The following STK35 variants were observed in gnomAD, a reference collection of about 807,000 sequenced individuals.
The protein encoded by STK35 is serine/threonine-protein kinase 35.
In STK35, 17 loss-of-function variants were observed where a neutral mutation model predicts 37.3. The observed-to-expected ratio is 0.46, with a 90% confidence interval of 0.31 to 0.68. STK35 has a LOEUF of 0.68. Ranked by LOEUF, STK35 falls within the 30% of genes least tolerant of loss-of-function variation. The pLI, the probability that STK35 is intolerant of heterozygous loss-of-function variation, is 0.05. For missense variants in STK35, 595 were observed against 746.7 expected (o/e 0.80, Z 2.37); for synonymous variants, 385 against 319.1 (o/e 1.21, Z -2.20).
chr20:2,138,536 C>T (rs140700695), intron 3 of STK35, among the ~76,000 whole-genome samples: 1 of 152,270 alleles, frequency 6.6e-6, no homozygotes, highest in East Asian at 1.9e-4. Context: ...TGCATTTGAA[C>T]CAGGACTGTC....
At chr20:2,109,867 G>T (rs1161183318) in intron 2 of STK35, among the ~76,000 whole-genome samples, 5 of 152,260 alleles carry the variant, frequency 3.3e-5, no homozygotes, top group African/African-American at 1.2e-4. Flanking sequence ...GGGATTGGGG[G>T]CAGGTAGTAG....
intron 2 of STK35, among the ~76,000 whole-genome samples, chr20:2,106,917 G>T (rs1327868613): frequency 6.6e-6 from 1 of 152,106 alleles, no homozygotes; most frequent in African/African-American, 2.4e-5. Flanking sequence ...CCCAGAAAAG[G>T]GACAAAACTT....
rs184806500 is a variant in STK35, at chr20:2,116,947, G to T, written c.1174G>T (p.Ala392Ser). The change falls in exon 3 of 4, where the codon GCA becomes TCA. Residue 392 changes from alanine (A) to serine (S), a missense_variant. Physicochemically the swap from Ala to Ser is moderately conservative, Grantham distance 99 (BLOSUM62 1). Around this residue, in one of 3 missense-constraint regions of STK35, gnomAD observed 109 missense variants for 280.3 expected, o/e 0.39. Transcript: ENST00000381482. ...ACTAAGCAAGGTCTGTGCTGGGCTG[G>T]CACCCCGAGGCAAAGAGGGCAATCA... ...FGLSKVCAGL[A>S]PRGKEGNQDN... The T allele has an allele frequency of 2.5e-6, 4 of 1,614,168 alleles. No homozygotes were observed. The Middle Eastern group carries it at 4.9e-4, about 200-fold the overall frequency.
Position 2,116,869 on chromosome 20 carries a change from A to T in STK35, c.1096A>T (p.Ile366Phe), listed in dbSNP as rs1472394598. The change falls in exon 3 of 4, where the codon ATC (isoleucine) becomes TTC (phenylalanine). Residue 366 changes from isoleucine (I) to phenylalanine (F), a missense_variant. This residue lies in a region of STK35 where 109 missense variants were observed against 280.3 expected (regional missense o/e 0.39). Coordinates refer to ENST00000381482, the MANE Select transcript of STK35 (RefSeq NM_080836.4). ...GCACAGGGACCTGAAGCCAGACAAC[A>T]TCCTCATCACAGAGCGGTCTGGCAC... ...IVHRDLKPDN[I>F]LITERSGTPI... The T allele has an allele frequency of 6.2e-7, 1 of 1,614,178 alleles. No homozygotes were observed. Among genetic ancestry groups the T allele is most frequent in the Admixed American group, 1.7e-5 (1 of 60,030 alleles).
chr20:2,119,984 C>T (rs1247954559), intron 3 of STK35, among the ~76,000 whole-genome samples: 2 of 152,176 alleles, frequency 1.3e-5, no homozygotes, highest in African/African-American at 4.8e-5. Context: ...TTGGGCCTAC[C>T]ACCCGTGGGT....
chr20:2,102,941 G>A lies in STK35; in HGVS notation c.468G>A (p.Val156=), dbSNP rs760824880. The A allele has an allele frequency of 1.3e-6, 2 of 1,503,124 alleles. No individual in the cohort carries two copies. Among genetic ancestry groups the A allele is most frequent in the East Asian group, 5.6e-5 (2 of 35,900 alleles). The allele number at this position is 1,503,124 out of a possible 1,614,324, so 93.1% of individuals were successfully genotyped here. The change falls in exon 2 of 4, where the codon GTG becomes GTA. Residue 156 remains valine, a synonymous_variant. Coordinates refer to ENST00000381482, the MANE Select transcript of STK35 (RefSeq NM_080836.4). ...QSPERKRRSP[V]PRAPSTKLRP... The stretch of plus-strand genomic sequence containing the variant: ...CGGAGCGGAAAAGGCGAAGCCCAGT[G>A]CCGCGGGCGCCCAGCACGAAGCTGA...
chr20:2,131,584 G>A (rs1360309742), intron 3 of STK35, among the ~76,000 whole-genome samples: 1 of 152,150 alleles, frequency 6.6e-6, no homozygotes, highest in African/African-American at 2.4e-5. Context: ...ATGAGTCAGT[G>A]TGAAGGCCTA....
intron 3 of STK35, among the ~76,000 whole-genome samples, chr20:2,130,109 TGTAA>T (rs1480867180): frequency 1.3e-5 from 2 of 151,956 alleles, no homozygotes; most frequent in Non-Finnish European, 2.9e-5. Context: ...AACAGAGCCA[TGTAA>T]GAGTGAATGT....
intron 2 of STK35, among the ~76,000 whole-genome samples, chr20:2,105,964 C>G (rs1005693784): frequency 1.3e-5 from 2 of 152,158 alleles, no homozygotes; most frequent in Non-Finnish European, 2.9e-5. Context: ...TGTTTGGAGT[C>G]TTTAAAATAT....
Position 2,117,398 on chromosome 20 carries a change from T to G in STK35, c.*20T>G. ...GCTTAAAATTCAGGGCTAAGCATTT[T>G]GGGTGATTTTAAACTAGGTGAGTGC... On this transcript the variant is annotated 3_prime_UTR_variant, in exon 3 of 4. Coordinates refer to ENST00000381482, the MANE Select transcript of STK35 (RefSeq NM_080836.4). The surrounding 1 kb of genome is among the most constrained non-coding windows in gnomAD (Gnocchi z 4.4). 1 of 1,568,868 alleles carries G rather than the reference T, an allele frequency of 6.4e-7. No individual in the cohort carries two copies. The highest frequency in any genetic ancestry group is 8.7e-7 in the Non-Finnish European group (1 of 1,153,732).
At chr20:2,118,797 A>G (rs1344283832) in intron 3 of STK35, among the ~76,000 whole-genome samples, 1 of 152,268 alleles carries the variant, frequency 6.6e-6, no homozygotes, top group South Asian at 2.1e-4. Flanking sequence ...TAGATACACA[A>G]AAACTTACCA....
chr20:2,134,609 G>A (rs893459189), intron 3 of STK35, among the ~76,000 whole-genome samples: 2 of 152,130 alleles, frequency 1.3e-5, no homozygotes, highest in African/African-American at 4.8e-5. Context: ...AAATGCCTGG[G>A]GCCTGGCGCG....
At chr20:2,103,504 C>G in intron 2 of STK35, 139 bp downstream of exon 2, 1 of 788,666 alleles carries the variant, frequency 1.3e-6, no homozygotes, top group Non-Finnish European at 1.9e-6. Context: ...ACCCTCCTTT[C>G]CTGGGCCCAG....
intron 2 of STK35, among the ~76,000 whole-genome samples, chr20:2,109,483 T>G (rs1985577080): frequency 6.6e-6 from 1 of 152,250 alleles, no homozygotes; most frequent in Non-Finnish European, 1.5e-5. Context: ...ACTGTAAAGT[T>G]GGTGTTTATA....
Position 2,144,771 on chromosome 20 carries a change from C to G in STK35, c.*1025C>G, listed in dbSNP as rs892778119. ...CAGAGACGGCCTGAGGCCCTAAGAT[C>G]TGGTTGTGACTTTGCCATGATAACA... is the stretch of plus-strand genomic sequence containing the variant. On this transcript the variant is annotated 3_prime_UTR_variant, in exon 4 of 4. Transcript: ENST00000381482. 1 of 152,868 alleles carries G rather than the reference C, an allele frequency of 6.5e-6. No homozygotes were observed. Among genetic ancestry groups the G allele is most frequent in the Non-Finnish European group, 1.5e-5 (1 of 68,138 alleles). 9.5% of individuals were successfully genotyped at this position (152,868 alleles called of 1,614,324 possible).
intron 3 of STK35, among the ~76,000 whole-genome samples, chr20:2,125,880 G>A (rs1039353778): frequency 1.3e-5 from 2 of 152,172 alleles, no homozygotes; most frequent in African/African-American, 4.8e-5. Context: ...CCACCCACCG[G>A]CAGCTGGGAA....
Position 2,123,073 on chromosome 20 carries a change from A to C in STK35, c.*37+5658A>C, listed in dbSNP as rs147359955. On this transcript the variant is annotated intron_variant, in intron 3 of 3. Coordinates refer to ENST00000381482, the MANE Select transcript of STK35 (RefSeq NM_080836.4). ...TTCCAGGTGCCTCCGCCCACGTGTT[A>C]CCAGGGAGAGTGTTGTGGGATGAGG... Among the ~76,000 whole-genome samples, 116 of 152,246 alleles carry C rather than the reference A, an allele frequency of 7.6e-4. 1 individual carries two copies. Among genetic ancestry groups the C allele is most frequent in the African/African-American group, 2.7e-3 (114 of 41,542 alleles).
At chr20:2,110,747 A>T (rs914658894) in intron 2 of STK35, among the ~76,000 whole-genome samples, 1 of 152,206 alleles carries the variant, frequency 6.6e-6, no homozygotes, top group East Asian at 1.9e-4. Context: ...ACAGATCTGC[A>T]TGTTGTGTGG....
At chr20:2,133,683 C>T (rs1030124343) in intron 3 of STK35, among the ~76,000 whole-genome samples, 5 of 152,204 alleles carry the variant, frequency 3.3e-5, no homozygotes, top group African/African-American at 9.7e-5. Context: ...ACGGAGACCT[C>T]CAAATCTCAG....
Sources: allele counts gnomAD v4.1 joint callset (sites outside exome capture counted in the v4.1 genomes callset), GRCh38; gene constraint gnomAD v4.1.1; regional missense constraint gnomAD v4.1.1; non-coding constraint Gnocchi (gnomAD v3.1); transcripts MANE v1.5; gene names NCBI Gene and HGNC (gene_info 2026-07-23, HGNC 2026-07-21).